CMSS1: variants seen among roughly 807,000 people sequenced by gnomAD.
CMSS1 encodes protein CMSS1.
In CMSS1, 33 loss-of-function variants were observed where a neutral mutation model predicts 43.5. The observed-to-expected ratio is 0.76, with a 90% CI of 0.57 to 1.01. The LOEUF (loss-of-function observed/expected upper bound fraction) is 1.01, where lower values mean the gene tolerates loss of function less well. Among genes scored for constraint, CMSS1 ranks in the 50% least tolerant of loss-of-function variants. The pLI, the probability that CMSS1 is intolerant of heterozygous loss-of-function variation, is 0.00. For synonymous variants in CMSS1, 115 were observed against 117.2 expected, an observed-to-expected ratio of 0.98 and a Z score of 0.12; for missense variants, 313 against 326.4, an observed-to-expected ratio of 0.96 and a Z score of 0.32.
At chr3:99,983,059 A>AT (rs796631052) in intron 1 of CMSS1, among the ~76,000 whole-genome samples, 4 of 152,322 alleles carry the variant, frequency 2.6e-5, no homozygotes, top group African/African-American at 9.6e-5. Flanking sequence ...CCCATCAGGA[A>AT]TAACACATGC....
intron 1 of CMSS1, among the ~76,000 whole-genome samples, chr3:99,875,590 A>G (rs1008563731): frequency 2.0e-5 from 3 of 152,216 alleles, no homozygotes; most frequent in Non-Finnish European, 4.4e-5. Flanking sequence ...CTTAATTCCA[A>G]GATGTATTCC....
intron 1 of CMSS1, among the ~76,000 whole-genome samples, chr3:100,089,386 A>G (rs2066065827): frequency 6.6e-6 from 1 of 152,194 alleles, no homozygotes. Context: ...CTACTCAACA[A>G]TGCTAGCTAA....
intron 1 of CMSS1, among the ~76,000 whole-genome samples, chr3:99,961,098 G>A (rs189262746): frequency 5.3e-5 from 8 of 152,152 alleles, no homozygotes; most frequent in Admixed American, 2.0e-4. Flanking sequence ...CCCAAATGAC[G>A]TAACCTTGGA....
At chr3:99,909,652 A>G (rs1278534673) in intron 1 of CMSS1, among the ~76,000 whole-genome samples, 1 of 152,216 alleles carries the variant, frequency 6.6e-6, no homozygotes, top group Non-Finnish European at 1.5e-5. Flanking sequence ...ATAGGGTATC[A>G]AGTGTGTCAT....
intron 4 of CMSS1, among the ~76,000 whole-genome samples, chr3:100,163,759 G>T (rs2067044911): frequency 6.6e-6 from 1 of 152,034 alleles, no homozygotes; most frequent in Admixed American, 6.6e-5. Flanking sequence ...ACTCTTTTAG[G>T]CAGGGATGGG....
At chr3:100,117,825 G>GTATATATATATATATATATATATATATA (rs1166983737) in intron 1 of CMSS1, among the ~76,000 whole-genome samples, 1 of 75,136 alleles carries the variant, frequency 1.3e-5, no homozygotes, top group African/African-American at 6.2e-5. Flanking sequence ...ATAAACTGCA[G>GTATATATATATATATATATATATATATA]TATATATATA....
At chr3:100,082,496 T>C (rs765786006) in intron 1 of CMSS1, among the ~76,000 whole-genome samples, 1 of 152,168 alleles carries the variant, frequency 6.6e-6, no homozygotes, top group Non-Finnish European at 1.5e-5. Flanking sequence ...TGAGAAATTA[T>C]TCGTTTCCAG....
At chr3:100,176,768 C>G (rs2107535122) in intron 9 of CMSS1, among the ~76,000 whole-genome samples, 1 of 152,248 alleles carries the variant, frequency 6.6e-6, no homozygotes, top group South Asian at 2.1e-4. Flanking sequence ...TATATGTGCA[C>G]TTTTGGCTCG....
At chr3:100,061,020 A>G (rs745332901) in intron 1 of CMSS1, among the ~76,000 whole-genome samples, 3 of 152,178 alleles carry the variant, frequency 2.0e-5, no homozygotes, top group Admixed American at 1.3e-4. Flanking sequence ...CACACACAAG[A>G]AACCACACCC....
intron 1 of CMSS1, among the ~76,000 whole-genome samples, chr3:100,045,676 T>C (rs759202257): frequency 6.6e-6 from 1 of 152,228 alleles, no homozygotes; most frequent in African/African-American, 2.4e-5. Flanking sequence ...GATTGATTTG[T>C]TGAGAAATAT....
intron 1 of CMSS1, among the ~76,000 whole-genome samples, chr3:99,916,845 C>G (rs1012610450): frequency 2.0e-5 from 3 of 152,216 alleles, no homozygotes; most frequent in African/African-American, 7.2e-5. Context: ...CAGCCATCAT[C>G]TTCACGGCTG....
At chr3:99,965,834 A>G (rs1203983250) in intron 1 of CMSS1, among the ~76,000 whole-genome samples, 1 of 152,150 alleles carries the variant, frequency 6.6e-6, no homozygotes, top group Non-Finnish European at 1.5e-5. Flanking sequence ...AAGCAGTTGC[A>G]GTTTTCCTGC....
At chr3:100,024,598 C>T (rs577963428) in intron 1 of CMSS1, among the ~76,000 whole-genome samples, 1 of 152,138 alleles carries the variant, frequency 6.6e-6, no homozygotes, top group Non-Finnish European at 1.5e-5. Flanking sequence ...ATTATAGTAA[C>T]AAATCCAACA....
intron 1 of CMSS1, among the ~76,000 whole-genome samples, chr3:100,079,777 G>A (rs1003697861): frequency 3.3e-5 from 5 of 151,344 alleles, no homozygotes; most frequent in South Asian, 2.1e-4. Flanking sequence ...AGTTACTACC[G>A]TTTTACAATT....
intron 1 of CMSS1, among the ~76,000 whole-genome samples, chr3:100,037,311 G>A (rs1049991932): frequency 1.3e-5 from 2 of 152,154 alleles, no homozygotes; most frequent in African/African-American, 4.8e-5. Flanking sequence ...TATGTAGAAA[G>A]AGAATAAAAT....
At chr3:99,852,467 A>G (rs1330338476) in intron 1 of CMSS1, among the ~76,000 whole-genome samples, 4 of 151,924 alleles carry the variant, frequency 2.6e-5, no homozygotes, top group Non-Finnish European at 4.4e-5. Context: ...TATTTTTTGA[A>G]ATTGAGTCTC....
intron 1 of CMSS1, among the ~76,000 whole-genome samples, chr3:99,843,903 T>A (rs1199783321): frequency 6.6e-6 from 1 of 152,216 alleles, no homozygotes; most frequent in Non-Finnish European, 1.5e-5. Flanking sequence ...GAACTGCACA[T>A]GCGAGGGGTC....
intron 1 of CMSS1, among the ~76,000 whole-genome samples, chr3:100,091,443 GAAGTGT>G (rs1176393794): frequency 6.6e-6 from 1 of 152,230 alleles, no homozygotes; most frequent in Non-Finnish European, 1.5e-5. Flanking sequence ...AAGGGAAGAA[GAAGTGT>G]AAGAAATTAG....
chr3:99,871,847 A>G (rs1559669542), intron 1 of CMSS1, among the ~76,000 whole-genome samples: 2 of 152,026 alleles, frequency 1.3e-5, no homozygotes, highest in African/African-American at 2.4e-5. Context: ...CTTTAAATAC[A>G]CTTATTTTTT....
Sources: gnomAD v4.1 joint callset for allele counts (sites outside exome capture counted in the v4.1 genomes callset) on GRCh38, gnomAD v4.1.1 for gene constraint, MANE v1.5 for transcripts, NCBI Gene and HGNC (gene_info 2026-07-23, HGNC 2026-07-21) for gene names.